Variants in ARL13B observed in about 807,000 individuals in gnomAD.
ARL13B encodes the protein ADP-ribosylation factor-like protein 13B.
Under a neutral mutation model 56.1 loss-of-function variants are expected in ARL13B, and 36 were observed. The ratio of observed to expected loss-of-function variants is 0.64; its 90% confidence interval spans 0.49 to 0.85. ARL13B has a LOEUF of 0.85. Ranked by LOEUF, ARL13B falls within the 40% of genes least tolerant of loss-of-function variation. The pLI, the probability that ARL13B is intolerant of heterozygous loss-of-function variation, is 0.00. For missense variants in ARL13B, 519 were observed against 507.1 expected (o/e 1.02, Z -0.23); for synonymous variants, 178 against 171.1 (o/e 1.04, Z -0.32).
chr3:93,994,316 T>A (rs1293310005), intron 1 of ARL13B, among the ~76,000 whole-genome samples: 1 of 152,136 alleles, frequency 6.6e-6, no homozygotes, highest in Non-Finnish European at 1.5e-5. Flanking sequence ...ACTCACTCTC[T>A]CCTTCAAGTC....
At chr3:94,015,380 TCTC>T in intron 3 of ARL13B, 2 of 863,038 alleles carry the variant, frequency 2.3e-6, no homozygotes, top group Non-Finnish European at 3.3e-6. Context: ...CAGCAAAAGT[TCTC>T]CTAGTTTTCT....
At chr3:94,035,160 C>A (rs993806957) in intron 3 of ARL13B, among the ~76,000 whole-genome samples, 171 bp from the exon 4 acceptor site, 1 of 151,082 alleles carries the variant, frequency 6.6e-6, no homozygotes, top group Admixed American at 6.6e-5. Flanking sequence ...TCACTTGAAC[C>A]TGGGAGGCGG....
intron 3 of ARL13B, chr3:94,015,091 C>T: frequency 6.2e-7 from 1 of 1,613,806 alleles, no homozygotes; most frequent in Non-Finnish European, 8.5e-7. Context: ...ATTGTTAATA[C>T]TTTCCTGTAG....
intron 5 of ARL13B, among the ~76,000 whole-genome samples, chr3:94,037,986 C>A (rs77769702): frequency 1.3e-4 from 20 of 152,068 alleles, no homozygotes; most frequent in Non-Finnish European, 2.4e-4. Flanking sequence ...GCCAATACTC[C>A]ATAATTAAAA....
intron 3 of ARL13B, chr3:94,028,218 A>G (rs2076598172): frequency 6.6e-6 from 1 of 152,198 alleles, no homozygotes; most frequent in Non-Finnish European, 1.5e-5. Flanking sequence ...ATATATGTGA[A>G]CAAATCAGCT....
At chr3:94,029,301 CATATATATATATAT>C (rs1242349606) in intron 3 of ARL13B, among the ~76,000 whole-genome samples, 8 of 77,208 alleles carry the variant, frequency 1.0e-4, no homozygotes, top group Admixed American at 8.2e-4. Context: ...CTATCAAAAT[CATATATATATATAT>C]ATATATATAT....
intron 2 of ARL13B, among the ~76,000 whole-genome samples, chr3:94,002,293 C>G (rs2076068077): frequency 6.6e-6 from 1 of 152,020 alleles, no homozygotes; most frequent in South Asian, 2.1e-4. Flanking sequence ...TCTCAAATTC[C>G]TGGCCTCAGG....
intron 1 of ARL13B, among the ~76,000 whole-genome samples, chr3:93,982,019 C>T (rs1710246348): frequency 1.3e-5 from 2 of 152,148 alleles, no homozygotes; most frequent in South Asian, 4.1e-4. Context: ...TCATTTTCCT[C>T]CGTGTCTGCT....
chr3:94,022,731 A>G (rs532733291), intron 3 of ARL13B, among the ~76,000 whole-genome samples: 115 of 152,248 alleles, frequency 7.6e-4, no homozygotes, highest in African/African-American at 2.7e-3. Context: ...ACATATTTAT[A>G]TATACAGAAA....
At chr3:94,049,372 A>G in intron 7 of ARL13B, 34 bp from the exon 8 acceptor site, 1 of 1,342,730 alleles carries the variant, frequency 7.4e-7, no homozygotes, top group Non-Finnish European at 1.1e-6. Flanking sequence ...ACTTTTTCAT[A>G]AAGACATGAA....
rs146174570 is a variant in ARL13B at position 94,051,184 on chromosome 3, AT to A, written c.1210+293del. Among the ~76,000 whole-genome samples the A allele has an allele frequency of 7.0e-3, 1,071 of 152,248 alleles. 11 individuals carry two copies. The highest frequency in any genetic ancestry group is 0.025 in the African/African-American group (1,022 of 41,554). On this transcript the variant is annotated intron_variant, in intron 9 of 9. Coordinates refer to ENST00000394222, the MANE Select transcript of ARL13B (RefSeq NM_001174150.2). ...TACAAGGAGTTATAATAAAAAGGAA[AT>A]GTTTTAAAATAATTTAACTATGAGA...
chr3:93,994,633 G>C (rs1301031737), intron 1 of ARL13B, among the ~76,000 whole-genome samples: 1 of 152,112 alleles, frequency 6.6e-6, no homozygotes, highest in Non-Finnish European at 1.5e-5. Context: ...GAACACTGGT[G>C]TCTGGTATAT....
At chr3:94,014,736 A>G (rs1320857625) in intron 3 of ARL13B, 10 of 1,613,146 alleles carry the variant, frequency 6.2e-6, no homozygotes, top group Admixed American at 1.7e-5. Flanking sequence ...CATCTTCTTC[A>G]GACATCTCTT....
chr3:94,008,507 A>G lies in ARL13B; in HGVS notation c.380+4599A>G, dbSNP rs112774995. Among the ~76,000 whole-genome samples the G allele has an allele frequency of 3.2e-3, 486 of 152,318 alleles. 2 individuals are homozygous for G. The highest frequency in any genetic ancestry group is 0.02 in the Middle Eastern group (6 of 294). On this transcript the variant is annotated intron_variant, in intron 3 of 9. Coordinates refer to ENST00000394222, the MANE Select transcript of ARL13B (RefSeq NM_001174150.2). Reference sequence around the variant, plus strand: ...ACATCCAGTATAGACATTTTCCATTAATAGTACAAGGCATGATTTGTTGAT... The same window carrying G: ...ACATCCAGTATAGACATTTTCCATTGATAGTACAAGGCATGATTTGTTGAT...
Position 93,995,880 on chromosome 3 carries a change from G to A in ARL13B, c.66G>A (p.Val22=), listed in dbSNP as rs1429860981. 2 of 1,611,224 alleles carry A rather than the reference G, an allele frequency of 1.2e-6. No homozygotes were observed. Among genetic ancestry groups the A allele is most frequent in the Admixed American group, 3.3e-5 (2 of 59,960 alleles). The change falls in exon 2 of 10, where the codon GTG becomes GTA. Residue 22 remains valine, a synonymous_variant. Transcript: ENST00000394222. The part of the protein sequence containing the change: ...FKRWREPVRK[V]TLLMVGLDNA... Reference sequence around the variant, plus strand: ...AAATTTCTATTATTTTAAGAAAGGTGACTCTTTTGATGGTGGGACTTGATA... The same window carrying A: ...AAATTTCTATTATTTTAAGAAAGGTAACTCTTTTGATGGTGGGACTTGATA...
intron 3 of ARL13B, among the ~76,000 whole-genome samples, chr3:94,021,430 A>G (rs2076446871): frequency 6.6e-6 from 1 of 152,028 alleles, no homozygotes; most frequent in South Asian, 2.1e-4. Flanking sequence ...CCTGACCTCA[A>G]GTGATCTGCC....
rs1435154990 is a variant in ARL13B, at chr3:93,980,346, CG to C, written c.-76del. The C allele has an allele frequency of 6.3e-7, 1 of 1,577,880 alleles. No homozygotes were observed. Among genetic ancestry groups the C allele is most frequent in the East Asian group, 2.2e-5 (1 of 44,710 alleles). On this transcript the variant is annotated 5_prime_UTR_variant, in exon 1 of 10. Coordinates refer to ENST00000394222, the MANE Select transcript of ARL13B (RefSeq NM_001174150.2). Reference sequence around the variant, plus strand: ...CCACTTTAGGGGCGTCTCGGAGTGCCGGAGGCCCCCGGGGAAGAGCGGGGTG... The same window carrying C: ...CCACTTTAGGGGCGTCTCGGAGTGCCGAGGCCCCCGGGGAAGAGCGGGGTG...
intron 2 of ARL13B, 143 bp from the exon 3 acceptor site, chr3:94,003,516 C>A: frequency 1.1e-6 from 1 of 929,880 alleles, no homozygotes; most frequent in Non-Finnish European, 1.6e-6. Flanking sequence ...CTGGCCTGTC[C>A]CCAAACCAGT....
intron 3 of ARL13B, among the ~76,000 whole-genome samples, chr3:94,012,227 G>A (rs1040882306): frequency 6.6e-6 from 1 of 152,002 alleles, no homozygotes; most frequent in African/African-American, 2.4e-5. Flanking sequence ...ACCCAAATCT[G>A]TACTTCTGGT....
Sources: gnomAD v4.1 joint callset for allele counts (sites outside exome capture counted in the v4.1 genomes callset) on GRCh38, gnomAD v4.1.1 for gene constraint, MANE v1.5 for transcripts, NCBI Gene and HGNC (gene_info 2026-07-23, HGNC 2026-07-21) for gene names.